ESRRG: variants seen among roughly 807,000 people sequenced by gnomAD.
ESRRG encodes the protein estrogen-related receptor gamma.
ESRRG carries 13 observed loss-of-function variants against 44.0 expected under a neutral mutation model. That is an observed-to-expected ratio of 0.30 (90% CI 0.19 to 0.47). ESRRG has a LOEUF of 0.47. Among genes scored for constraint, ESRRG ranks in the 20% least tolerant of loss-of-function variants. The probability of loss-of-function intolerance (pLI) is 1.00; values close to 1 mark genes in which losing one functional copy is unlikely to be tolerated. For missense variants in ESRRG, 395 were observed against 580.6 expected (o/e 0.68, Z 3.29); for synonymous variants, 215 against 214.6 (o/e 1.00, Z -0.02).
At chr1:216,980,705 G>A (rs2073816186) in intron 1 of ESRRG, among the ~76,000 whole-genome samples, 1 of 152,078 alleles carries the variant, frequency 6.6e-6, no homozygotes, top group African/African-American at 2.4e-5. Flanking sequence ...CAATACTCAT[G>A]TTACTTAAAT....
chr1:216,510,605 G>C (rs1209900576), intron 6 of ESRRG, among the ~76,000 whole-genome samples: 2 of 152,190 alleles, frequency 1.3e-5, no homozygotes, highest in Non-Finnish European at 2.9e-5. Flanking sequence ...ATCATTGTGG[G>C]CCAGGTGCGG....
chr1:216,634,903 G>A (rs905481741), intron 3 of ESRRG, among the ~76,000 whole-genome samples: 2 of 152,042 alleles, frequency 1.3e-5, no homozygotes, highest in Non-Finnish European at 2.9e-5. Context: ...AGTTTTAAGG[G>A]GAACAGAAAA....
chr1:216,623,229 C>T (rs1427232908), intron 3 of ESRRG, among the ~76,000 whole-genome samples: 3 of 151,818 alleles, frequency 2.0e-5, no homozygotes, highest in Admixed American at 2.0e-4. Flanking sequence ...ACTACAGGGG[C>T]CCACCACCAC....
At chr1:216,703,218 C>T (rs1005838972) in intron 1 of ESRRG, among the ~76,000 whole-genome samples, 2 of 152,078 alleles carry the variant, frequency 1.3e-5, no homozygotes, top group African/African-American at 4.8e-5. Flanking sequence ...GGTGTCCAAG[C>T]TTTTGGCTTT....
chr1:216,777,440 G>C (rs2093657494), intron 2 of ESRRG, among the ~76,000 whole-genome samples: 1 of 152,090 alleles, frequency 6.6e-6, no homozygotes, highest in Non-Finnish European at 1.5e-5. Context: ...CACACTTCCA[G>C]ACTGCTGTTT....
chr1:216,538,605 G>A (rs1032723575), intron 5 of ESRRG, among the ~76,000 whole-genome samples: 3 of 152,050 alleles, frequency 2.0e-5, no homozygotes, highest in African/African-American at 7.2e-5. Context: ...GAGTTTGAGA[G>A]AGAAAACGCA....
In ESRRG at chr1:216,677,482, G is replaced by A; in HGVS notation, c.66C>T (p.Cys22=). The A allele has an allele frequency of 1.2e-6, 2 of 1,605,938 alleles. No homozygotes were observed. Among genetic ancestry groups the A allele is most frequent in the Non-Finnish European group, 1.7e-6 (2 of 1,174,834 alleles). ...TGTGTCGATCTTTGTTTGACATTCTGCAGAGAAGCCTGAGATTGAGGAGAT... is the reference window on the plus strand; with the variant it reads ...TGTGTCGATCTTTGTTTGACATTCTACAGAGAAGCCTGAGATTGAGGAGAT... The part of the protein sequence containing the change: ...FSLHYEEELL[C]RMSNKDRHID... Residue 22 remains cysteine, a synonymous_variant, in exon 2 of 7, where the codon TGC becomes TGT. Transcript: ENST00000408911.
At chr1:217,029,631 C>G (rs973873272) in intron 1 of ESRRG, among the ~76,000 whole-genome samples, 13 of 152,222 alleles carry the variant, frequency 8.5e-5, no homozygotes, top group Non-Finnish European at 1.3e-4. Context: ...TTGGCTTTAA[C>G]TACCGCCAGA....
chr1:216,538,496 C>T (rs1188690370), intron 5 of ESRRG, among the ~76,000 whole-genome samples: 3 of 152,106 alleles, frequency 2.0e-5, no homozygotes, highest in South Asian at 2.1e-4. Context: ...GAAATCAGAA[C>T]GTGGTGAAAC....
At chr1:217,089,360 CT>C (rs34432067) in intron 1 of ESRRG, 93,204 of 141,054 alleles carry the variant, frequency 0.66, 30,871 homozygotes, top group South Asian at 0.79. Context: ...GGAGGGGTTG[CT>C]TTTTTTTTTT....
rs772888061 is a variant in ESRRG, at chr1:216,841,796, G to A, written c.-14+97786C>T. Among the ~76,000 whole-genome samples the A allele has an allele frequency of 6.7e-4, 102 of 152,016 alleles. 2 individuals carry two copies. The Middle Eastern group carries it at 0.01, about 15-fold the overall frequency. ...GGAAATGCACATGTTGGTTCATCTG[G>A]GTTCAGCAAATAGAGCAATCTTTAC... is the stretch of plus-strand genomic sequence containing the variant. On this transcript the variant is annotated intron_variant, in intron 2 of 7. Coordinates refer to the ESRRG transcript ENST00000359162.
chr1:216,828,090 T>C (rs1315785836), intron 2 of ESRRG, among the ~76,000 whole-genome samples: 1 of 152,164 alleles, frequency 6.6e-6, no homozygotes, highest in Non-Finnish European at 1.5e-5. Context: ...GTTGAAACTA[T>C]CAAGGATTGA....
At chr1:217,006,481 T>TA (rs557840167) in intron 1 of ESRRG, among the ~76,000 whole-genome samples, 19 of 152,230 alleles carry the variant, frequency 1.2e-4, no homozygotes, top group Non-Finnish European at 1.9e-4. Flanking sequence ...GCACTACAGT[T>TA]ACGTTGGAAC....
chr1:216,636,539 A>G (rs913351993), intron 3 of ESRRG, among the ~76,000 whole-genome samples: 3 of 152,194 alleles, frequency 2.0e-5, no homozygotes, highest in Admixed American at 6.5e-5. Flanking sequence ...CTATTTTCTA[A>G]TGTGCAAATC....
intron 3 of ESRRG, among the ~76,000 whole-genome samples, chr1:216,638,771 T>A (rs148759389): frequency 1.7e-3 from 266 of 152,218 alleles, no homozygotes; most frequent in African/African-American, 6.2e-3. Context: ...AATGGATGAG[T>A]CAAGGATGAG....
Position 216,948,488 on chromosome 1 carries a change from A to G in ESRRG, c.-105-8815T>C, listed in dbSNP as rs1022940593. ...CAAGACTCCATCTCAAAAAAAAAAA[A>G]AAAAAAAGAAAGAAAGAAACAGGGG... On this transcript the variant is annotated intron_variant, in intron 1 of 7. Coordinates refer to the ESRRG transcript ENST00000359162. 3.1e-3 allele frequency among the ~76,000 whole-genome samples: 471 copies of G among 151,546 alleles called. 3 individuals are homozygous for G. The highest frequency in any genetic ancestry group is 0.011 in the African/African-American group (450 of 41,362).
intron 2 of ESRRG, among the ~76,000 whole-genome samples, chr1:216,913,191 T>G (rs947398644): frequency 6.6e-6 from 1 of 151,080 alleles, no homozygotes; most frequent in African/African-American, 2.4e-5. Flanking sequence ...GCATCTCTAC[T>G]CAACATGTGC....
At chr1:217,103,633 T>C (rs2092551587) in intron 1 of ESRRG, among the ~76,000 whole-genome samples, 1 of 150,928 alleles carries the variant, frequency 6.6e-6, no homozygotes, top group African/African-American at 2.4e-5. Flanking sequence ...ATTCCAGCCT[T>C]GGTGACAGAG....
chr1:217,006,198 T>G (rs998647681), intron 1 of ESRRG, among the ~76,000 whole-genome samples: 1 of 152,142 alleles, frequency 6.6e-6, no homozygotes, highest in Non-Finnish European at 1.5e-5. Flanking sequence ...TAAGTTATGC[T>G]AAGAATGAAT....
Sources: allele counts gnomAD v4.1 joint callset (sites outside exome capture counted in the v4.1 genomes callset), GRCh38; gene constraint gnomAD v4.1.1; transcripts MANE v1.5; gene names NCBI Gene and HGNC (gene_info 2026-07-23, HGNC 2026-07-21).